Variants in FBXO11 observed in about 807,000 individuals in gnomAD.
FBXO11 encodes the protein F-box only protein 11.
Under a neutral mutation model 117.0 loss-of-function variants are expected in FBXO11, and 13 were observed. The ratio of observed to expected loss-of-function variants is 0.11; its 90% CI spans 0.07 to 0.18. The LOEUF (loss-of-function observed/expected upper bound fraction) is 0.18. Among genes scored for constraint, FBXO11 ranks in the 10% least tolerant of loss-of-function variants. FBXO11 has a pLI of 1.00. For missense variants in FBXO11, 767 were observed against 1,164.4 expected (o/e 0.66, Z 4.97); for synonymous variants, 490 against 380.5 (o/e 1.29, Z -3.35).
chr2:47,835,969 G>C lies in FBXO11; in HGVS notation c.620C>G (p.Thr207Ser). 6.2e-7 allele frequency: 1 copy of C among 1,609,914 alleles called. No homozygotes were observed. Among genetic ancestry groups the C allele is most frequent in the Non-Finnish European group, 8.5e-7 (1 of 1,177,070 alleles). The stretch of plus-strand genomic sequence containing the variant: ...AGGTTCAGGATGCATCATAGGGCGA[G>C]TATATTCAAATACTTCCATATATAA... ...KRLYMEVFEY[T>S]RPMMHPEPGK... The change falls in exon 5 of 23, where the codon ACT becomes AGT. Residue 207 changes from threonine to serine, a missense_variant. Physicochemically the swap from Thr to Ser is moderately conservative, Grantham distance 58 (BLOSUM62 1). Around this residue, in one of 10 missense-constraint regions of FBXO11, gnomAD observed 355 missense variants for 299.8 expected, o/e 1.18. Coordinates refer to ENST00000403359, the MANE Select transcript of FBXO11 (RefSeq NM_001190274.2).
chr2:47,861,731 T>C (rs1046032383), intron 1 of FBXO11, among the ~76,000 whole-genome samples: 2 of 152,048 alleles, frequency 1.3e-5, no homozygotes, highest in East Asian at 3.9e-4. Context: ...GAGACGTCCT[T>C]CTCTCTTTTT....
intron 19 of FBXO11, 139 bp downstream of exon 19, chr2:47,810,177 T>TC (rs1313498102): frequency 1.7e-6 from 1 of 587,994 alleles, no homozygotes; most frequent in Non-Finnish European, 2.9e-6. Context: ...GGTGCTCTTG[T>TC]AAGTGAATGA....
chr2:47,815,092 T>C (rs1021945619), intron 16 of FBXO11, among the ~76,000 whole-genome samples: 2 of 152,236 alleles, frequency 1.3e-5, no homozygotes, highest in Non-Finnish European at 2.9e-5. Flanking sequence ...CAAAGTCTTA[T>C]ACCCCTAAAG....
rs571424677 is a variant in FBXO11, at chr2:47,898,288, A to G, written c.232+7201T>C. ...GGAAGTTAGTTGGTTTCATTTCTCT[A>G]TTTTCTAAGGATTAAGTTTAAGCAC... On this transcript the variant is annotated intron_variant, in intron 1 of 22. Coordinates refer to ENST00000403359, the MANE Select transcript of FBXO11 (RefSeq NM_001190274.2). Among the ~76,000 whole-genome samples the G allele has an allele frequency of 3.3e-5, 5 of 152,322 alleles. No individual in the cohort carries two copies. In the East Asian group the frequency reaches 7.7e-4, roughly 23 times the overall value.
Position 47,810,433 on chromosome 2 carries a change from T to A in FBXO11, c.2228-7A>T. Reference sequence around the variant, plus strand: ...TCATTTTCTTCAAGGAGACCTATAATAAAATATTTCCTTAGATTAAGGCTA... The same window carrying A: ...TCATTTTCTTCAAGGAGACCTATAAAAAAATATTTCCTTAGATTAAGGCTA... On this transcript the variant is annotated splice_region_variant and splice_polypyrimidine_tract_variant and intron_variant, in intron 18 of 22. Transcript: ENST00000403359. 6.3e-7 allele frequency: 1 copy of A among 1,576,264 alleles called. No individual in the cohort carries two copies. Among genetic ancestry groups the A allele is most frequent in the Middle Eastern group, 1.7e-4 (1 of 5,790 alleles).
In FBXO11 at chr2:47,808,056, T is replaced by C. The variant is rs1160156261; in HGVS notation, c.*62A>G. Reference sequence around the variant, plus strand: ...CATGGGCAAATATTTTAAATCTTCTTCCAAAAAAGTGTTTTAAGTTATGAT... The same window carrying C: ...CATGGGCAAATATTTTAAATCTTCTCCCAAAAAAGTGTTTTAAGTTATGAT... On this transcript the variant is annotated 3_prime_UTR_variant, in exon 23 of 23. Coordinates refer to ENST00000403359, the MANE Select transcript of FBXO11 (RefSeq NM_001190274.2). 1 of 1,426,982 alleles carries C rather than the reference T, an allele frequency of 7.0e-7. No homozygotes were observed. Among genetic ancestry groups the C allele is most frequent in the African/African-American group, 1.4e-5 (1 of 70,282 alleles). The allele number at this position is 1,426,982 out of a possible 1,614,324, so 88.4% of individuals were successfully genotyped here. A position where few individuals can be genotyped will look rare whatever the true frequency, so the allele number is the denominator to read the frequency against.
In FBXO11 at chr2:47,905,684, G is replaced by T. The variant is rs1233367010; in HGVS notation, c.37C>A (p.Arg13=). 1 of 1,519,044 alleles carries T rather than the reference G, an allele frequency of 6.6e-7. No individual in the cohort carries two copies. The allele number at this position is 1,519,044 out of a possible 1,614,324, so 94.1% of individuals were successfully genotyped here. A position where few individuals can be genotyped will look rare whatever the true frequency, so the allele number is the denominator to read the frequency against. The change falls in exon 1 of 23, where the codon CGA becomes AGA. Residue 13 remains arginine, a synonymous_variant. Transcript: ENST00000403359. ...TGCACCGGGCGCGGCCGCGACACTC[G>T]CCTGGGTCTCCGGTTGGCGGCTCGG... The part of the protein sequence containing the change: ...SVRAANRRPR[R]VSRPRPVQQQ...
intron 20 of FBXO11, 21 bp downstream of exon 20, chr2:47,809,579 G>C (rs542408171): frequency 3.3e-6 from 5 of 1,517,944 alleles, no homozygotes; most frequent in Non-Finnish European, 4.6e-6. Context: ...ATATTTATAG[G>C]TATAGCAGAC....
At chr2:47,837,104 T>G (rs1211481036) in intron 4 of FBXO11, 2 of 203,470 alleles carry the variant, frequency 9.8e-6, no homozygotes, top group African/African-American at 4.8e-5. Flanking sequence ...TCCATTTATA[T>G]CCTATCAAGC....
chr2:47,861,247 C>CA (rs1674750342), intron 1 of FBXO11, among the ~76,000 whole-genome samples: 1 of 151,874 alleles, frequency 6.6e-6, no homozygotes, highest in Non-Finnish European at 1.5e-5. Flanking sequence ...CATATACATC[C>CA]ACACTTCCTA....
rs191281449 is a variant in FBXO11 at position 47,899,725 on chromosome 2, C to T, written c.232+5764G>A. Among the ~76,000 whole-genome samples the T allele has an allele frequency of 1.3e-3, 201 of 152,276 alleles. 1 individual carries two copies. Among genetic ancestry groups the T allele is most frequent in the Admixed American group, 4.2e-3 (64 of 15,296 alleles). On this transcript the variant is annotated intron_variant, in intron 1 of 22. Transcript: ENST00000403359. ...GGGGAATACTTTGCCAACAAAGTCA[C>T]ATACTATAATTCTGTGGAAGATAAG...
rs1293883662 is a variant in FBXO11, at chr2:47,815,571, T to C, written c.2007-1704A>G. Among the ~76,000 whole-genome samples, 4 of 152,338 alleles carry C rather than the reference T, an allele frequency of 2.6e-5. No individual in the cohort carries two copies. The East Asian group carries it at 7.7e-4, about 29-fold the overall frequency. ...CAAGGTGCCATACTTCGGGGTTTAA[T>C]GAGCCCTGACAGCAGGTCCTTGCAG... On this transcript the variant is annotated intron_variant, in intron 16 of 22. Coordinates refer to ENST00000403359, the MANE Select transcript of FBXO11 (RefSeq NM_001190274.2).
intron 1 of FBXO11, among the ~76,000 whole-genome samples, chr2:47,872,512 C>CG (rs1283810148): frequency 6.6e-6 from 1 of 152,074 alleles, no homozygotes; most frequent in Non-Finnish European, 1.5e-5. Flanking sequence ...TTAGGAGAGA[C>CG]GGGGTTTCAC....
chr2:47,833,908 TCCAC>T (rs1672360543), intron 7 of FBXO11, among the ~76,000 whole-genome samples: 1 of 152,016 alleles, frequency 6.6e-6, no homozygotes, highest in Non-Finnish European at 1.5e-5. Context: ...CCTGAAGCGA[TCCAC>T]CCACCTCAGC....
intron 1 of FBXO11, among the ~76,000 whole-genome samples, chr2:47,866,563 T>A (rs1386635032): frequency 1.3e-5 from 2 of 151,508 alleles, no homozygotes; most frequent in Non-Finnish European, 2.9e-5. Context: ...AAACTCCGCC[T>A]CTCGGGTTCA....
At chr2:47,861,488 A>T (rs1019628530) in intron 1 of FBXO11, among the ~76,000 whole-genome samples, 6 of 151,908 alleles carry the variant, frequency 3.9e-5, no homozygotes, top group African/African-American at 1.5e-4. Context: ...CCAGCTAATT[A>T]AAAAAATTTT....
intron 19 of FBXO11, 159 bp from the exon 20 acceptor site, chr2:47,809,866 G>C: frequency 1.8e-6 from 1 of 556,728 alleles, no homozygotes. Flanking sequence ...ACCACCAACA[G>C]TAACATTCAC....
At chr2:47,861,181 T>A (rs1476934406) in intron 1 of FBXO11, among the ~76,000 whole-genome samples, 1 of 152,106 alleles carries the variant, frequency 6.6e-6, no homozygotes, top group East Asian at 1.9e-4. Context: ...AACTGGGAAG[T>A]GTAGCCGTCC....
At chr2:47,820,574 C>T (rs1671308755) in intron 13 of FBXO11, 118 bp from the exon 14 acceptor site, 6 of 682,630 alleles carry the variant, frequency 8.8e-6, no homozygotes, top group East Asian at 2.7e-5. Flanking sequence ...CATTACAAGA[C>T]AAAATTAAGA....
Sources: allele counts gnomAD v4.1 joint callset (sites outside exome capture counted in the v4.1 genomes callset), GRCh38; gene constraint gnomAD v4.1.1; regional missense constraint gnomAD v4.1.1; transcripts MANE v1.5; gene names NCBI Gene and HGNC (gene_info 2026-07-23, HGNC 2026-07-21).